UNC93B1: variants seen among roughly 807,000 people sequenced by gnomAD.
UNC93B1 encodes unc-93B1 regulator of TLR signaling.
In UNC93B1, 33 loss-of-function variants were observed where a neutral mutation model predicts 56.8. That is an observed-to-expected ratio of 0.58 (90% CI 0.44 to 0.78). The LOEUF is 0.78. UNC93B1 is among the 30% of genes least tolerant of loss of function. The pLI is 0.00. For synonymous variants in UNC93B1, 334 were observed against 358.6 expected, an observed-to-expected ratio of 0.93 and a Z score of 0.77; for missense variants, 673 against 819.5, an observed-to-expected ratio of 0.82 and a Z score of 2.18.
intron 3 of UNC93B1, among the ~76,000 whole-genome samples, chr11:68,000,328 A>G (rs1442167654): frequency 1.3e-5 from 2 of 152,254 alleles, no homozygotes; most frequent in Non-Finnish European, 2.9e-5. Context: ...TAAAAATGCC[A>G]GTAAAAATGT....
At chr11:68,002,185 TACACAC>T (rs60629377) in intron 3 of UNC93B1, among the ~76,000 whole-genome samples, 35 of 140,716 alleles carry the variant, frequency 2.5e-4, no homozygotes, top group Admixed American at 6.3e-4. Flanking sequence ...CCCGCTTGCA[TACACAC>T]ACACACACAC....
At position 67,991,735 on chromosome 11, in the gene UNC93B1, C is replaced by T. The variant is rs1231438811; in HGVS notation, c.1605G>A (p.Lys535=). 3.3e-6 allele frequency: 5 copies of T among 1,537,928 alleles called. No homozygotes were observed. In the South Asian group the frequency reaches 4.7e-5, roughly 15 times the overall value. ...RQPRIPRPQH[K]VRGYRYLEED... is the part of the protein sequence containing the mutation. ...CCTCCAAGTAGCGGTAACCGCGCAC[C>T]TTGTGCTGGGGCCGCGGGATGCGGG... is the stretch of plus-strand genomic sequence containing the variant. The change falls in exon 11 of 11, where the codon AAG becomes AAA. Residue 535 remains lysine, a synonymous_variant. Transcript: ENST00000227471.
Position 68,003,734 on chromosome 11 carries a change from C to A in UNC93B1, c.161G>T (p.Arg54Leu). 2.6e-6 allele frequency: 4 copies of A among 1,525,908 alleles called. No homozygotes were observed. The highest frequency in any genetic ancestry group is 3.5e-6 in the Non-Finnish European group (4 of 1,142,386). 94.5% of individuals were successfully genotyped at this position (1,525,908 alleles called of 1,614,324 possible). A position where few individuals can be genotyped will look rare whatever the true frequency, so the allele number is the denominator to read the frequency against. ...NEEEEERRYY[R>L]RKRLGVLKNV... ...CTTGAGCACGCCCAGGCGCTTGCGG[C>A]GGTAGTAGCGGCGCTCCTCCTCCTC... Residue 54 changes from arginine to leucine, a missense_variant, in exon 2 of 11, where the codon CGC becomes CTC. Physicochemically the swap from Arg to Leu is moderately radical, Grantham distance 102 (BLOSUM62 -2). Coordinates refer to ENST00000227471, the MANE Select transcript of UNC93B1 (RefSeq NM_030930.4). The surrounding 1 kb of genome is among the most constrained non-coding windows in gnomAD (Gnocchi z 4.4).
intron 9 of UNC93B1, 31 bp from the exon 10 acceptor site, chr11:67,993,825 G>T (rs748498048): frequency 8.8e-7 from 1 of 1,140,698 alleles, no homozygotes; most frequent in Non-Finnish European, 1.3e-6. Context: ...GCAGGCAGGG[G>T]AGAGGTGTCA....
In UNC93B1 at chr11:67,996,494, A is replaced by C. The variant is rs1565124677; in HGVS notation, c.1089+108T>G. ...CAGGAGGGGGATATTTGGGATATAC[A>C]TGTACACACTTACATATGTAATTAA... On this transcript the variant is annotated intron_variant, in intron 8 of 10. Transcript: ENST00000227471. The C allele has an allele frequency of 3.6e-6, 5 of 1,388,834 alleles. No individual in the cohort carries two copies. In the South Asian group the frequency reaches 7.5e-5, roughly 21 times the overall value. The allele number at this position is 1,388,834 out of a possible 1,614,324, so 86.0% of individuals were successfully genotyped here.
chr11:67,996,673 G>T lies in UNC93B1; in HGVS notation c.1018C>A (p.Leu340Met). The T allele has an allele frequency of 6.4e-7, 1 of 1,551,634 alleles. No homozygotes were observed. The highest frequency in any genetic ancestry group is 8.7e-7 in the Non-Finnish European group (1 of 1,146,926). The change falls in exon 8 of 11, where the codon CTG becomes ATG. Residue 340 changes from leucine to methionine, a missense_variant. Leu to Met is a conservative substitution (Grantham distance 15). Around this residue, in one of 3 missense-constraint regions of UNC93B1, gnomAD observed 155 missense variants for 268.3 expected, o/e 0.58. Coordinates refer to ENST00000227471, the MANE Select transcript of UNC93B1 (RefSeq NM_030930.4). ...ATAAAGAAAGGCACGAGGTGGCGCAGGCGGTAGTCACGCACGTGCTTGAAG... is the reference window on the plus strand; with the variant it reads ...ATAAAGAAAGGCACGAGGTGGCGCATGCGGTAGTCACGCACGTGCTTGAAG... ...LPFKHVRDYR[L>M]RHLVPFFIYS... is the part of the protein sequence containing the mutation.
rs535421090 is a variant in UNC93B1 at position 67,995,677 on chromosome 11, A to T, written c.1297T>A (p.Trp433Arg). 1.3e-6 allele frequency: 2 copies of T among 1,538,264 alleles called. No individual in the cohort carries two copies. Among genetic ancestry groups the T allele is most frequent in the Non-Finnish European group, 1.8e-6 (2 of 1,141,354 alleles). ...APVPRVLQHS[W>R]ILYVAAALWG... is the part of the protein sequence containing the mutation. ...AGGGCAGCTGCCACATAGAGGATCC[A>T]GCTGTGTTGCAGGACCCGAGGCACA... is the stretch of plus-strand genomic sequence containing the variant. The change falls in exon 9 of 11, where the codon TGG becomes AGG. Residue 433 changes from tryptophan to arginine, a missense_variant. Coordinates refer to ENST00000227471, the MANE Select transcript of UNC93B1 (RefSeq NM_030930.4).
In UNC93B1 at chr11:67,995,662, C is replaced by A; in HGVS notation, c.1312G>T (p.Ala438Ser). The change falls in exon 9 of 11, where the codon GCA becomes TCA. Residue 438 changes from alanine (A) to serine (S), a missense_variant. Ala to Ser is a moderately conservative substitution (Grantham distance 99). Around this residue, in one of 3 missense-constraint regions of UNC93B1, gnomAD observed 155 missense variants for 268.3 expected, o/e 0.58. Coordinates refer to ENST00000227471, the MANE Select transcript of UNC93B1 (RefSeq NM_030930.4). ...VLQHSWILYVAAALWGVGSAL... is the reference protein window; with the variant it reads ...VLQHSWILYVSAALWGVGSAL... ...CTGCCCACACCCCAAAGGGCAGCTGCCACATAGAGGATCCAGCTGTGTTGC... is the reference window on the plus strand; with the variant it reads ...CTGCCCACACCCCAAAGGGCAGCTGACACATAGAGGATCCAGCTGTGTTGC... The A allele has an allele frequency of 6.5e-7, 1 of 1,545,992 alleles. No homozygotes were observed. The highest frequency in any genetic ancestry group is 8.7e-7 in the Non-Finnish European group (1 of 1,145,822).
chr11:67,995,488 C>A lies in UNC93B1; in HGVS notation c.1363+123G>T, dbSNP rs576936196. The A allele has an allele frequency of 3.7e-4, 314 of 841,778 alleles. 2 individuals carry two copies. The East Asian group carries it at 7.6e-3, about 20-fold the overall frequency. 52.1% of individuals were successfully genotyped at this position (841,778 alleles called of 1,614,324 possible). A position where few individuals can be genotyped will look rare whatever the true frequency, so the allele number is the denominator to read the frequency against. On this transcript the variant is annotated intron_variant, in intron 9 of 10. Coordinates refer to ENST00000227471, the MANE Select transcript of UNC93B1 (RefSeq NM_030930.4). ...ACCTGCCTCTGCCATGTCCACAGGA[C>A]CCTATGTGACCATGGGACCCCATAT...
intron 7 of UNC93B1, chr11:67,997,467 G>A: frequency 1.2e-6 from 1 of 809,476 alleles, no homozygotes; most frequent in South Asian, 1.9e-5. Flanking sequence ...CGGACCACAG[G>A]CCTCAGCCCC....
chr11:67,996,503 C>T (rs904507150), intron 8 of UNC93B1, 99 bp downstream of exon 8: 2 of 1,427,354 alleles, frequency 1.4e-6, no homozygotes, highest in East Asian at 2.5e-5. Flanking sequence ...CATGTACACA[C>T]TTACATATGT....
In UNC93B1 at chr11:67,999,699, A is replaced by G. The variant is rs750979147; in HGVS notation, c.393-19T>C. 6.2e-7 allele frequency: 1 copy of G among 1,607,574 alleles called. No individual in the cohort carries two copies. Among genetic ancestry groups the G allele is most frequent in the South Asian group, 1.1e-5 (1 of 89,724 alleles). On this transcript the variant is annotated intron_variant, in intron 3 of 10. Transcript: ENST00000227471. ...AAAAAACCTGCGGACAGTGGGAGAG[A>G]TGCTGGCACCACAGGCCTGCTGGAC...
At position 67,997,705 on chromosome 11, in the gene UNC93B1, G is replaced by A. The variant is rs746890355; in HGVS notation, c.876C>T (p.Leu292=). The stretch of plus-strand genomic sequence containing the variant: ...GCATGGCCAGGAAGGCCACTGCCAT[G>A]AGCACGCTCTCCACCACAATGAGGT... ...SGNLIVVESV[L]MAVAFLAMLL... The change falls in exon 7 of 11, where the codon CTC becomes CTT. Residue 292 remains leucine, a synonymous_variant. Coordinates refer to ENST00000227471, the MANE Select transcript of UNC93B1 (RefSeq NM_030930.4). 6.2e-7 allele frequency: 1 copy of A among 1,607,604 alleles called. No homozygotes were observed. The highest frequency in any genetic ancestry group is 1.7e-5 in the Admixed American group (1 of 60,028).
chr11:67,999,713 G>C, intron 3 of UNC93B1, 33 bp from the exon 4 acceptor site: 1 of 1,601,608 alleles, frequency 6.2e-7, no homozygotes, highest in Non-Finnish European at 8.5e-7. Context: ...TGGCACCACA[G>C]GCCTGCTGGA....
rs1456468421 is a variant in UNC93B1 at position 67,999,238 on chromosome 11, G to C, written c.622C>G (p.Pro208Ala). ...EQDGQGMKQR[P>A]PRGSHAPYLL... The stretch of plus-strand genomic sequence containing the variant: ...TAGGGCGCGTGGGAGCCCCGCGGAG[G>C]CCGCTGCTTCATCCCCTGCCCATCC... Residue 208 changes from proline to alanine, a missense_variant, in exon 5 of 11, where the codon CCT (proline) becomes GCT (alanine). Pro to Ala is a conservative substitution (Grantham distance 27). Coordinates refer to ENST00000227471, the MANE Select transcript of UNC93B1 (RefSeq NM_030930.4). 4 of 1,613,942 alleles carry C rather than the reference G, an allele frequency of 2.5e-6. No homozygotes were observed. The Admixed American group carries it at 6.7e-5, about 27-fold the overall frequency.
rs1365228419 is a variant in UNC93B1, at chr11:68,003,712, G to A, written c.183C>T (p.Leu61=). 1.2e-5 allele frequency: 19 copies of A among 1,529,780 alleles called. No individual in the cohort carries two copies. In the Admixed American group the frequency reaches 2.4e-4, roughly 19 times the overall value. 94.8% of individuals were successfully genotyped at this position (1,529,780 alleles called of 1,614,324 possible). A position where few individuals can be genotyped will look rare whatever the true frequency, so the allele number is the denominator to read the frequency against. The change falls in exon 2 of 11, where the codon CTC becomes CTT. Residue 61 remains leucine (L), a synonymous_variant. Coordinates refer to ENST00000227471, the MANE Select transcript of UNC93B1 (RefSeq NM_030930.4). The surrounding 1 kb of genome is among the most constrained non-coding windows in gnomAD (Gnocchi z 4.4). ...RYYRRKRLGV[L]KNVLAASAGG... ...CGGCGCTGGCAGCCAGCACGTTCTT[G>A]AGCACGCCCAGGCGCTTGCGGCGGT...
intron 5 of UNC93B1, 110 bp from the exon 6 acceptor site, chr11:67,998,562 C>T: frequency 9.1e-7 from 1 of 1,098,658 alleles, no homozygotes; most frequent in Non-Finnish European, 1.3e-6. Flanking sequence ...CAGGGGCCTT[C>T]CCAGTTCTGG....
intron 8 of UNC93B1, among the ~76,000 whole-genome samples, chr11:67,996,379 T>C (rs980414869): frequency 2.0e-5 from 3 of 151,958 alleles, no homozygotes; most frequent in Non-Finnish European, 4.4e-5. Context: ...AACTAAACAC[T>C]CTGTGGGTGC....
chr11:67,997,845 C>T, intron 6 of UNC93B1, 46 bp from the exon 7 acceptor site: 1 of 1,588,818 alleles, frequency 6.3e-7, no homozygotes, highest in Admixed American at 1.7e-5. Flanking sequence ...GAGTAGGGCA[C>T]ACAGTCAATC....
Sources: gnomAD v4.1 joint callset for allele counts (sites outside exome capture counted in the v4.1 genomes callset) on GRCh38, gnomAD v4.1.1 for gene constraint, gnomAD v4.1.1 regional missense constraint, Gnocchi (gnomAD v3.1) non-coding constraint, MANE v1.5 for transcripts, NCBI Gene and HGNC (gene_info 2026-07-23, HGNC 2026-07-21) for gene names.